ZYG11B: variants seen among roughly 807,000 people sequenced by gnomAD.
ZYG11B encodes protein zyg-11 homolog B.
ZYG11B carries 36 observed loss-of-function variants against 82.4 expected under a neutral mutation model. The observed-to-expected ratio is 0.44, with a 90% CI of 0.33 to 0.58. The LOEUF is 0.58. ZYG11B is among the 20% of genes least tolerant of loss of function. The pLI, the probability that ZYG11B is intolerant of heterozygous loss-of-function variation, is 0.02. For synonymous variants in ZYG11B, 303 were observed against 312.8 expected, an observed-to-expected ratio of 0.97 and a Z score of 0.33; for missense variants, 552 against 895.6, an observed-to-expected ratio of 0.62 and a Z score of 4.90.
chr1:52,728,925 C>T (rs1053395445), intron 1 of ZYG11B, among the ~76,000 whole-genome samples: 7 of 151,766 alleles, frequency 4.6e-5, no homozygotes, highest in African/African-American at 1.7e-4. Context: ...GTAGTATTAC[C>T]CTTATATAGC....
intron 10 of ZYG11B, among the ~76,000 whole-genome samples, chr1:52,803,412 G>A (rs1205091339): frequency 7.1e-6 from 1 of 140,796 alleles, no homozygotes; most frequent in Non-Finnish European, 1.5e-5. Flanking sequence ...ACTCCAGCCT[G>A]GACAATAAGA....
intron 1 of ZYG11B, among the ~76,000 whole-genome samples, chr1:52,742,316 A>T (rs1019285327): frequency 2.0e-5 from 3 of 152,032 alleles, no homozygotes; most frequent in Admixed American, 6.6e-5. Context: ...GCCAGACATG[A>T]TGACACGTGC....
chr1:52,777,617 T>C (rs1644820834), intron 3 of ZYG11B, among the ~76,000 whole-genome samples: 1 of 152,068 alleles, frequency 6.6e-6, no homozygotes, highest in African/African-American at 2.4e-5. Context: ...ATTTTTCTTT[T>C]CTTTTATAGA....
intron 4 of ZYG11B, among the ~76,000 whole-genome samples, chr1:52,783,803 T>TACACACACACAC (rs1228904788): frequency 7.0e-4 from 40 of 57,002 alleles, no homozygotes; most frequent in African/African-American, 2.9e-3. Flanking sequence ...TATATATATA[T>TACACACACACAC]ATACACACAC....
chr1:52,785,187 CAG>C lies in ZYG11B; in HGVS notation c.1269+138_1269+139del, dbSNP rs1270409170. ...TGTGGTATGACTGAGTGTAAGAAAA[CAG>C]AGAAGTGGACACCAAAGGAGTATAT... On this transcript the variant is annotated intron_variant, in intron 5 of 13. Transcript: ENST00000294353. The C allele has an allele frequency of 5.2e-5, 50 of 952,902 alleles. 1 individual carries two copies. The South Asian group carries it at 8.1e-4, about 15-fold the overall frequency. 59.0% of individuals were successfully genotyped at this position (952,902 alleles called of 1,614,324 possible). A position where few individuals can be genotyped will look rare whatever the true frequency, so the allele number is the denominator to read the frequency against.
intron 1 of ZYG11B, among the ~76,000 whole-genome samples, chr1:52,737,577 C>T (rs925935528): frequency 6.6e-6 from 1 of 152,086 alleles, no homozygotes; most frequent in African/African-American, 2.4e-5. Context: ...GACCACCTGG[C>T]TAACATAGTG....
At chr1:52,785,630 T>C (rs1644906706) in intron 5 of ZYG11B, among the ~76,000 whole-genome samples, 1 of 152,134 alleles carries the variant, frequency 6.6e-6, no homozygotes, top group South Asian at 2.1e-4. Context: ...CTAATTTTTG[T>C]ATTCTTAGTA....
At chr1:52,809,115 G>T (rs925886228) in intron 10 of ZYG11B, among the ~76,000 whole-genome samples, 2 of 151,904 alleles carry the variant, frequency 1.3e-5, no homozygotes, top group East Asian at 1.9e-4. Flanking sequence ...CTGATACTTG[G>T]CATGCTTAGG....
chr1:52,762,106 C>T (rs1180305945), intron 2 of ZYG11B, among the ~76,000 whole-genome samples: 5 of 140,266 alleles, frequency 3.6e-5, no homozygotes, highest in African/African-American at 1.2e-4. Flanking sequence ...TTCTCTCATT[C>T]TGTAGGTTGT....
At position 52,800,781 on chromosome 1, in the gene ZYG11B, G is replaced by A. The variant is rs145469289; in HGVS notation, c.1486-1038G>A. On this transcript the variant is annotated intron_variant, in intron 8 of 13. Transcript: ENST00000294353. ...GCTGAGATTGCGCCACTTCACTCCA[G>A]CCTGGGCAAAACAGCAAGACTCTGT... 2.4e-3 allele frequency among the ~76,000 whole-genome samples: 370 copies of A among 152,112 alleles called. 2 individuals are homozygous for A. Among genetic ancestry groups the A allele is most frequent in the African/African-American group, 8.2e-3 (340 of 41,496 alleles).
At position 52,823,618 on chromosome 1, in the gene ZYG11B, C is replaced by T. The variant is rs916874162; in HGVS notation, c.*1989C>T. On this transcript the variant is annotated 3_prime_UTR_variant, in exon 14 of 14. Transcript: ENST00000294353. ...TTTGGAAATTGCTAGATATGTTGAC[C>T]GTTTCCAGGTCTTTTATCTAGTGTA... 6.6e-6 allele frequency: 1 copy of T among 151,334 alleles called. No individual in the cohort carries two copies. The highest frequency in any genetic ancestry group is 6.6e-5 in the Admixed American group (1 of 15,202). The allele number at this position is 151,334 out of a possible 1,614,324, so 9.4% of individuals were successfully genotyped here. A position where few individuals can be genotyped will look rare whatever the true frequency, so the allele number is the denominator to read the frequency against.
chr1:52,826,060 T>C lies in ZYG11B; in HGVS notation c.*4431T>C, dbSNP rs1200562404. ...GGTGAAACCCATCCCTCTCCTGCCC[T>C]CTAATGGTATGTTTACATTATTTCG... On this transcript the variant is annotated 3_prime_UTR_variant, in exon 14 of 14. Coordinates refer to ENST00000294353, the MANE Select transcript of ZYG11B (RefSeq NM_024646.3). 1 of 152,198 alleles carries C rather than the reference T, an allele frequency of 6.6e-6. No individual in the cohort carries two copies. Among genetic ancestry groups the C allele is most frequent in the African/African-American group, 2.4e-5 (1 of 41,442 alleles). 9.4% of individuals were successfully genotyped at this position (152,198 alleles called of 1,614,324 possible). A position where few individuals can be genotyped will look rare whatever the true frequency, so the allele number is the denominator to read the frequency against.
chr1:52,792,397 A>G (rs894061363), intron 6 of ZYG11B, among the ~76,000 whole-genome samples: 2 of 152,220 alleles, frequency 1.3e-5, no homozygotes, highest in Non-Finnish European at 2.9e-5. Context: ...GGTAAAAACT[A>G]GCATGTATGA....
chr1:52,800,733 C>CCG (rs1553262485), intron 8 of ZYG11B, among the ~76,000 whole-genome samples: 1 of 151,740 alleles, frequency 6.6e-6, no homozygotes, highest in Non-Finnish European at 1.5e-5. Flanking sequence ...ACTTGAACCC[C>CCG]GGGGGGGTGG....
At chr1:52,796,516 T>C in intron 7 of ZYG11B, 125 bp downstream of exon 7, 2 of 945,212 alleles carry the variant, frequency 2.1e-6, no homozygotes, top group Non-Finnish European at 3.2e-6. Flanking sequence ...TTATTCAAGC[T>C]ACATTCGATA....
At chr1:52,770,698 A>G (rs1644742791) in intron 2 of ZYG11B, among the ~76,000 whole-genome samples, 1 of 152,224 alleles carries the variant, frequency 6.6e-6, no homozygotes, top group Non-Finnish European at 1.5e-5. Flanking sequence ...AGAACTAGGC[A>G]CATGGCTCCA....
In ZYG11B at chr1:52,770,549, G is replaced by T. The variant is rs894000913; in HGVS notation, c.197-471G>T. Among the ~76,000 whole-genome samples, 12 of 152,110 alleles carry T rather than the reference G, an allele frequency of 7.9e-5. No individual in the cohort carries two copies. In the East Asian group the frequency reaches 2.3e-3, roughly 29 times the overall value. Reference sequence around the variant, plus strand: ...GATTCTGCTTCATGGTCACCCTAGGGTCCAAACTGATGGAGGGTTTCTCCT... The same window carrying T: ...GATTCTGCTTCATGGTCACCCTAGGTTCCAAACTGATGGAGGGTTTCTCCT... On this transcript the variant is annotated intron_variant, in intron 2 of 13. Coordinates refer to ENST00000294353, the MANE Select transcript of ZYG11B (RefSeq NM_024646.3).
intron 3 of ZYG11B, among the ~76,000 whole-genome samples, chr1:52,773,139 T>A (rs541654683): frequency 6.6e-6 from 1 of 152,156 alleles, no homozygotes; most frequent in East Asian, 1.9e-4. Flanking sequence ...TAAATTTAGT[T>A]TAACAAACAT....
At chr1:52,738,790 T>G (rs1013534020) in intron 1 of ZYG11B, among the ~76,000 whole-genome samples, 14 of 151,912 alleles carry the variant, frequency 9.2e-5, no homozygotes, top group African/African-American at 3.4e-4. Flanking sequence ...TGGCTAATTT[T>G]GTATTTTTAG....
Sources: gnomAD v4.1 joint callset for allele counts (sites outside exome capture counted in the v4.1 genomes callset) on GRCh38, gnomAD v4.1.1 for gene constraint, MANE v1.5 for transcripts, NCBI Gene and HGNC (gene_info 2026-07-23, HGNC 2026-07-21) for gene names.